Variants in WWC2 observed in about 807,000 individuals in gnomAD.
WWC2 encodes the protein protein WWC2.
A neutral mutation model predicts 138.5 loss-of-function variants in WWC2; 101 were observed. The ratio of observed to expected loss-of-function variants is 0.73; its 90% CI spans 0.62 to 0.86. WWC2 has a LOEUF of 0.86. Ranked by LOEUF, WWC2 falls within the 40% of genes least tolerant of loss-of-function variation. The probability of loss-of-function intolerance (pLI) is 0.00; values close to 1 mark genes in which losing one functional copy is unlikely to be tolerated. For missense variants in WWC2, 1,420 were observed against 1,419.4 expected (o/e 1.00, Z -0.01); for synonymous variants, 558 against 538.4 (o/e 1.04, Z -0.50).
chr4:183,215,481 G>T (rs1735729157), intron 4 of WWC2, among the ~76,000 whole-genome samples: 1 of 152,068 alleles, frequency 6.6e-6, no homozygotes, highest in African/African-American at 2.4e-5. Context: ...GAAAATGAGA[G>T]ATTCTCTTTA....
intron 1 of WWC2, among the ~76,000 whole-genome samples, chr4:183,145,915 C>G (rs1733439027): frequency 6.6e-6 from 1 of 152,200 alleles, no homozygotes; most frequent in African/African-American, 2.4e-5. Flanking sequence ...GATCATTACT[C>G]TGACTTCCCT....
At chr4:183,210,017 G>A (rs552584618) in intron 4 of WWC2, among the ~76,000 whole-genome samples, 6 of 152,084 alleles carry the variant, frequency 3.9e-5, no homozygotes, top group East Asian at 1.9e-4. Context: ...TTGATGGCTC[G>A]CCTTGCTCAA....
chr4:183,108,811 A>G (rs1438357985), intron 1 of WWC2, among the ~76,000 whole-genome samples: 1 of 152,108 alleles, frequency 6.6e-6, no homozygotes, highest in Admixed American at 6.5e-5. Context: ...GGGTTTCACC[A>G]TGTTGGCCAG....
At chr4:183,223,124 C>CAATT (rs1248265527) in intron 4 of WWC2, among the ~76,000 whole-genome samples, 1 of 152,190 alleles carries the variant, frequency 6.6e-6, no homozygotes. Flanking sequence ...CAAATGCTTA[C>CAATT]AATTATGTTA....
intron 21 of WWC2, among the ~76,000 whole-genome samples, chr4:183,299,557 A>G (rs1226727334): frequency 6.6e-6 from 1 of 152,152 alleles, no homozygotes; most frequent in East Asian, 1.9e-4. Context: ...ATTTGCAAAA[A>G]CCAGTTTTTT....
At chr4:183,292,065 A>T (rs147194001) in intron 21 of WWC2, among the ~76,000 whole-genome samples, 7 of 151,284 alleles carry the variant, frequency 4.6e-5, no homozygotes, top group Admixed American at 4.0e-4. Context: ...GCATGGTGGC[A>T]TGCACCTGTG....
chr4:183,209,216 A>G (rs1387004005), intron 4 of WWC2, among the ~76,000 whole-genome samples, 191 bp downstream of exon 4: 2 of 152,072 alleles, frequency 1.3e-5, no homozygotes, highest in Non-Finnish European at 2.9e-5. Flanking sequence ...TATTGAGACA[A>G]TGTGTTCCAC....
chr4:183,310,921 C>T (rs1335064960), intron 21 of WWC2, among the ~76,000 whole-genome samples: 1 of 149,090 alleles, frequency 6.7e-6, no homozygotes, highest in Non-Finnish European at 1.5e-5. Context: ...GAGTACTTTA[C>T]ATATATATGT....
chr4:183,154,002 CAAAAAAAAAAA>C (rs35002790), intron 1 of WWC2, among the ~76,000 whole-genome samples: 5 of 71,642 alleles, frequency 7.0e-5, no homozygotes, highest in Non-Finnish European at 9.6e-5. Context: ...CTTTAAAAAG[CAAAAAAAAAAA>C]AAAAAAAAAA....
chr4:183,301,686 T>G (rs1292239596), intron 21 of WWC2, among the ~76,000 whole-genome samples: 1 of 152,206 alleles, frequency 6.6e-6, no homozygotes, highest in African/African-American at 2.4e-5. Context: ...TTAAAGTGAG[T>G]TTAGGATATT....
At chr4:183,189,127 C>G (rs1034255601) in intron 1 of WWC2, among the ~76,000 whole-genome samples, 1 of 151,958 alleles carries the variant, frequency 6.6e-6, no homozygotes, top group South Asian at 2.1e-4. Context: ...GCTAGTTTCC[C>G]TATCTAGTGA....
chr4:183,243,226 T>A (rs1736672411), intron 5 of WWC2, among the ~76,000 whole-genome samples: 1 of 152,112 alleles, frequency 6.6e-6, no homozygotes. Context: ...AATCAAAGAT[T>A]TGTTTTATCA....
At chr4:183,267,373 T>C (rs1299509430) in intron 14 of WWC2, among the ~76,000 whole-genome samples, 1 of 152,178 alleles carries the variant, frequency 6.6e-6, no homozygotes, top group Non-Finnish European at 1.5e-5. Context: ...GTCAGCGGTG[T>C]CCAGGAAGAC....
At chr4:183,168,944 G>A (rs556495324) in intron 1 of WWC2, among the ~76,000 whole-genome samples, 4 of 152,184 alleles carry the variant, frequency 2.6e-5, no homozygotes, top group Non-Finnish European at 4.4e-5. Context: ...TGCCTCCCGG[G>A]GTCAAGTGGT....
chr4:183,173,047 C>T (rs1213608070), intron 1 of WWC2, among the ~76,000 whole-genome samples: 2 of 151,928 alleles, frequency 1.3e-5, no homozygotes, highest in African/African-American at 4.8e-5. Context: ...TCTCCCCTCT[C>T]CTCCCCTCCT....
chr4:183,111,811 C>T (rs371273499), intron 1 of WWC2, among the ~76,000 whole-genome samples: 18 of 151,904 alleles, frequency 1.2e-4, no homozygotes, highest in African/African-American at 4.3e-4. Flanking sequence ...CCTCCCACCT[C>T]AGCCTCTGGA....
chr4:183,247,928 GATA>G (rs914904473), intron 6 of WWC2, among the ~76,000 whole-genome samples: 10 of 150,910 alleles, frequency 6.6e-5, no homozygotes, highest in Admixed American at 1.3e-4. Flanking sequence ...CTCTTTTGTT[GATA>G]ATAATGGTTT....
intron 1 of WWC2, among the ~76,000 whole-genome samples, chr4:183,141,573 A>G (rs569200821): frequency 6.6e-6 from 1 of 152,274 alleles, no homozygotes; most frequent in Admixed American, 6.5e-5. Context: ...AGTATCTTCT[A>G]ATGAGTGTCA....
chr4:183,116,660 C>T (rs1732420466), intron 1 of WWC2, among the ~76,000 whole-genome samples: 1 of 152,238 alleles, frequency 6.6e-6, no homozygotes, highest in South Asian at 2.1e-4. Context: ...TAAAGTTTGC[C>T]TTAACAACTT....
Sources: allele counts gnomAD v4.1 joint callset (sites outside exome capture counted in the v4.1 genomes callset), GRCh38; gene constraint gnomAD v4.1.1; transcripts MANE v1.5; gene names NCBI Gene and HGNC (gene_info 2026-07-23, HGNC 2026-07-21).